REEP4: variants seen among roughly 807,000 people sequenced by gnomAD.
REEP4 encodes the protein receptor accessory protein 4, also known as receptor expression-enhancing protein 4.
Under a neutral mutation model 33.5 loss-of-function variants are expected in REEP4, and 17 were observed. That is an observed-to-expected ratio of 0.51 (90% CI 0.35 to 0.76). The LOEUF (loss-of-function observed/expected upper bound fraction) is 0.76, where lower values mean the gene tolerates loss of function less well. Among genes scored for constraint, REEP4 ranks in the 30% least tolerant of loss-of-function variants. The pLI is 0.01. For synonymous variants in REEP4, 157 were observed against 142.9 expected, an observed-to-expected ratio of 1.10 and a Z score of -0.70; for missense variants, 340 against 357.9, an observed-to-expected ratio of 0.95 and a Z score of 0.40.
In REEP4 at chr8:22,141,774, G is replaced by T. The variant is rs1408570232; in HGVS notation, c.-292C>A. Reference sequence around the variant, plus strand: ...AGCTCCCACCCGCCCTTTCTGCCGCGGAGAACCTGGCGCTCGGCCCTTGCT... The same window carrying T: ...AGCTCCCACCCGCCCTTTCTGCCGCTGAGAACCTGGCGCTCGGCCCTTGCT... On this transcript the variant is annotated 5_prime_UTR_variant, in exon 1 of 8. Transcript: ENST00000306306. 4 of 381,574 alleles carry T rather than the reference G, an allele frequency of 1.0e-5. No homozygotes were observed. Among genetic ancestry groups the T allele is most frequent in the Non-Finnish European group, 1.9e-5 (4 of 213,530 alleles). The allele number at this position is 381,574 out of a possible 1,614,324, so 23.6% of individuals were successfully genotyped here. A position where few individuals can be genotyped will look rare whatever the true frequency, so the allele number is the denominator to read the frequency against.
chr8:22,140,315 A>C, intron 2 of REEP4, 67 bp from the exon 3 acceptor site: 4 of 1,511,366 alleles, frequency 2.6e-6, no homozygotes, highest in Non-Finnish European at 3.7e-6. Flanking sequence ...AGGCCAGCCC[A>C]GCCCAGAGAT....
At chr8:22,139,102 G>T in intron 5 of REEP4, 41 bp from the exon 6 acceptor site, 1 of 1,562,472 alleles carries the variant, frequency 6.4e-7, no homozygotes, top group South Asian at 1.2e-5. Flanking sequence ...GCTGCCCAGG[G>T]ATATTGGCCA....
Position 22,140,694 on chromosome 8 carries a change from C to G in REEP4, c.36G>C (p.Leu12=), listed in dbSNP as rs1263701667. 2 of 1,612,824 alleles carry G rather than the reference C, an allele frequency of 1.2e-6. No individual in the cohort carries two copies. Among genetic ancestry groups the G allele is most frequent in the Admixed American group, 1.7e-5 (1 of 59,806 alleles). The change falls in exon 2 of 8, where the codon CTG becomes CTC. Residue 12 remains leucine (L), a synonymous_variant. Coordinates refer to ENST00000306306, the MANE Select transcript of REEP4 (RefSeq NM_025232.4). ...AAGCTGGACACAGCATCCCAAACAC[C>G]AGCCTGGAAGAGCAGCCATGGGGAG... ...VSWMICRLVV[L]VFGMLCPAYA...
In REEP4 at chr8:22,138,691, AGGGGCTTCTCTCG is replaced by A; in HGVS notation, c.643_655del (p.Arg215Ter). ...CACACGCAGGCTCTGGCTGCGGATT[AGGGGCTTCTCTCG>A]GGGCCGGGCTGGCGCCCGGGGGACT... On this transcript the variant is annotated frameshift_variant, in exon 7 of 8. Transcript: ENST00000306306. LOFTEE classifies it high-confidence loss of function. 6.2e-7 allele frequency: 1 copy of A among 1,613,622 alleles called. No individual in the cohort carries two copies. The highest frequency in any genetic ancestry group is 1.7e-5 in the Admixed American group (1 of 59,970).
chr8:22,138,129 T>C lies in REEP4; in HGVS notation c.*358A>G. The stretch of plus-strand genomic sequence containing the variant: ...CCAGGCCTTATGAAAGGCTATCAAG[T>C]ACTTTGAAGGACAGGAAGGAATGAA... On this transcript the variant is annotated 3_prime_UTR_variant, in exon 8 of 8. Transcript: ENST00000306306. The C allele has an allele frequency of 1.7e-6, 1 of 587,432 alleles. No homozygotes were observed. The highest frequency in any genetic ancestry group is 3.0e-6 in the Non-Finnish European group (1 of 328,566). 36.4% of individuals were successfully genotyped at this position (587,432 alleles called of 1,614,324 possible).
At position 22,141,374 on chromosome 8, in the gene REEP4, C is replaced by T. The variant is rs1827228247; in HGVS notation, c.32+77G>A. 3.9e-6 allele frequency: 6 copies of T among 1,536,590 alleles called. No individual in the cohort carries two copies. The South Asian group carries it at 5.9e-5, about 15-fold the overall frequency. ...GGAGCTCAGAAAGTTCCTCCTCCCA[C>T]TAGACGTCCACAGCTTCCACCACAG... On this transcript the variant is annotated intron_variant, in intron 1 of 7. Coordinates refer to ENST00000306306, the MANE Select transcript of REEP4 (RefSeq NM_025232.4).
At chr8:22,139,171 C>A in intron 5 of REEP4, 110 bp from the exon 6 acceptor site, 1 of 1,445,854 alleles carries the variant, frequency 6.9e-7, no homozygotes. Context: ...AGCTTCTGGC[C>A]CCGCGCCAAT....
rs540280438 is a variant in REEP4, at chr8:22,140,244, C to T, written c.110G>A (p.Arg37Gln). Residue 37 changes from arginine to glutamine, a missense_variant, in exon 3 of 8, where the codon CGG (arginine) becomes CAG (glutamine). Physicochemically the swap from Arg to Gln is conservative, Grantham distance 43. Coordinates refer to ENST00000306306, the MANE Select transcript of REEP4 (RefSeq NM_025232.4). The part of the protein sequence containing the change: ...VKTKNIREYV[R>Q]WMMYWIVFAL... ...AAAAACAATCCAGTACATCATCCAC[C>T]GCACCTGTGGGGTGAGCGCCCAGAG... The T allele has an allele frequency of 1.1e-4, 176 of 1,614,112 alleles. 2 individuals are homozygous for T. In the South Asian group the frequency reaches 1.5e-3, roughly 14 times the overall value.
chr8:22,140,528 G>T, intron 2 of REEP4, 97 bp downstream of exon 2: 1 of 1,082,960 alleles, frequency 9.2e-7, no homozygotes, highest in Non-Finnish European at 1.4e-6. Flanking sequence ...CACTCAGGAT[G>T]TGCCACACAG....
chr8:22,141,061 T>C (rs564954468), intron 1 of REEP4, among the ~76,000 whole-genome samples: 2 of 152,388 alleles, frequency 1.3e-5, no homozygotes, highest in East Asian at 3.9e-4. Context: ...AGCCAGATGT[T>C]GGCATACTCA....
In REEP4 at chr8:22,141,384, A is replaced by G. The variant is rs376592086; in HGVS notation, c.32+67T>C. 1.2e-5 allele frequency: 19 copies of G among 1,565,848 alleles called. No individual in the cohort carries two copies. The African/African-American group carries it at 2.4e-4, about 19-fold the overall frequency. On this transcript the variant is annotated intron_variant, in intron 1 of 7. Transcript: ENST00000306306. Reference sequence around the variant, plus strand: ...AAGTTCCTCCTCCCACTAGACGTCCACAGCTTCCACCACAGGGGCGGGACG... The same window carrying G: ...AAGTTCCTCCTCCCACTAGACGTCCGCAGCTTCCACCACAGGGGCGGGACG...
rs943630863 is a variant in REEP4, at chr8:22,140,266, A to G, written c.106-18T>C. Reference sequence around the variant, plus strand: ...CACCGCACCTGTGGGGTGAGCGCCCAGAGGTCAGCATGGGGCCTGCAGCAC... The same window carrying G: ...CACCGCACCTGTGGGGTGAGCGCCCGGAGGTCAGCATGGGGCCTGCAGCAC... On this transcript the variant is annotated intron_variant, in intron 2 of 7. Coordinates refer to ENST00000306306, the MANE Select transcript of REEP4 (RefSeq NM_025232.4). 6.2e-7 allele frequency: 1 copy of G among 1,613,748 alleles called. No individual in the cohort carries two copies. Among genetic ancestry groups the G allele is most frequent in the African/African-American group, 1.3e-5 (1 of 75,028 alleles).
In REEP4 at chr8:22,140,015, G is replaced by A; in HGVS notation, c.251C>T (p.Ala84Val). The stretch of plus-strand genomic sequence containing the variant: ...GACAAACTTGCGGTAAAGCAGGCTG[G>A]CGCCCTTGGTGTAGGGTGAGAGCAG... ...LWLLSPYTKGASLLYRKFVHP... is the reference protein window; with the variant it reads ...LWLLSPYTKGVSLLYRKFVHP... Residue 84 changes from alanine (A) to valine (V), a missense_variant, in exon 4 of 8, where the codon GCC becomes GTC. Physicochemically the swap from Ala to Val is moderately conservative, Grantham distance 64. Transcript: ENST00000306306. 1 of 1,602,306 alleles carries A rather than the reference G, an allele frequency of 6.2e-7. No homozygotes were observed. Among genetic ancestry groups the A allele is most frequent in the Non-Finnish European group, 8.5e-7 (1 of 1,174,130 alleles).
At chr8:22,139,732 T>A (rs889205503) in intron 4 of REEP4, 3 of 681,654 alleles carry the variant, frequency 4.4e-6, no homozygotes, top group Admixed American at 2.9e-5. Context: ...ATGCTCCAGC[T>A]GCCGCCACCA....
chr8:22,139,910 T>C, intron 4 of REEP4, 53 bp downstream of exon 4: 1 of 1,550,036 alleles, frequency 6.5e-7, no homozygotes. Flanking sequence ...GGTCCAGGGC[T>C]CTTTCCCTCA....
chr8:22,140,329 A>C (rs1827209584), intron 2 of REEP4, 81 bp from the exon 3 acceptor site: 2 of 1,413,958 alleles, frequency 1.4e-6, no homozygotes, highest in African/African-American at 1.4e-5. Context: ...CAGAGATTCC[A>C]GGGAGCCTGT....
intron 7 of REEP4, 23 bp from the exon 8 acceptor site, chr8:22,138,575 A>AT (rs747601954): frequency 3.1e-6 from 5 of 1,613,944 alleles, no homozygotes; most frequent in Non-Finnish European, 4.2e-6. Flanking sequence ...GAGGCACAGC[A>AT]TGAGGGTGTG....
At position 22,139,507 on chromosome 8, in the gene REEP4, T is replaced by C; in HGVS notation, c.326A>G (p.Gln109Arg). 6.2e-7 allele frequency: 1 copy of C among 1,610,386 alleles called. No individual in the cohort carries two copies. The highest frequency in any genetic ancestry group is 8.5e-7 in the Non-Finnish European group (1 of 1,179,762). The change falls in exon 5 of 8, where the codon CAG becomes CGG. Residue 109 changes from glutamine (Q) to arginine (R), a missense_variant. Coordinates refer to ENST00000306306, the MANE Select transcript of REEP4 (RefSeq NM_025232.4). ...GGTCTCGTAGCTGCGCTCCTTGGCC[T>C]GCACGATGTACGCGTCGATCTCCTG... ...HEKEIDAYIV[Q>R]AKERSYETVL...
At chr8:22,139,658 A>G (rs1827194837) in intron 4 of REEP4, 129 bp from the exon 5 acceptor site, 2 of 772,936 alleles carry the variant, frequency 2.6e-6, no homozygotes, top group Non-Finnish European at 4.1e-6. Flanking sequence ...CAGAGCCACA[A>G]ATCCGGGCCA....
Sources: allele counts gnomAD v4.1 joint callset (sites outside exome capture counted in the v4.1 genomes callset), GRCh38; gene constraint gnomAD v4.1.1; transcripts MANE v1.5; gene names NCBI Gene and HGNC (gene_info 2026-07-23, HGNC 2026-07-21).